The following NCOR2 variants were observed in gnomAD, a reference collection of about 807,000 sequenced individuals.
The protein encoded by NCOR2 is nuclear receptor corepressor 2.
In NCOR2, 81 loss-of-function variants were observed where a neutral mutation model predicts 262.9. That is an observed-to-expected ratio of 0.31 (90% CI 0.26 to 0.37). The LOEUF is 0.37. NCOR2 is among the 10% of genes least tolerant of loss of function. NCOR2 has a pLI of 1.00. For missense variants in NCOR2, 3,385 were observed against 3,621.4 expected, an observed-to-expected ratio of 0.93 and a Z score of 1.68; for synonymous variants, 1,659 against 1,559.3, an observed-to-expected ratio of 1.06 and a Z score of -1.51.
In NCOR2 at chr12:124,421,441, C is replaced by G. The variant is rs2043198539; in HGVS notation, c.1383+1060G>C. ...ACTCCCTGAGGGAGACGTCGTCACT[C>G]AGAAGATGGGCTATTTATAGGGCTT... On this transcript the variant is annotated intron_variant, in intron 12 of 46. Coordinates refer to ENST00000405201, the Ensembl canonical transcript of NCOR2. Among the ~76,000 whole-genome samples, 2 of 152,244 alleles carry G rather than the reference C, an allele frequency of 1.3e-5. 1 individual carries two copies. The highest frequency in any genetic ancestry group is 4.1e-4 in the South Asian group (2 of 4,830).
chr12:124,395,784 C>G (rs968967528), intron 16 of NCOR2, among the ~76,000 whole-genome samples: 1 of 152,092 alleles, frequency 6.6e-6, no homozygotes, highest in Non-Finnish European at 1.5e-5. Flanking sequence ...CTGGGCTGAC[C>G]GTTTGGGGAT....
At chr12:124,447,809 T>A (rs2045278553) in intron 7 of NCOR2, among the ~76,000 whole-genome samples, 1 of 151,758 alleles carries the variant, frequency 6.6e-6, no homozygotes, top group South Asian at 2.1e-4. Flanking sequence ...CGATTCTCCC[T>A]CCTTCGCCTC....
At chr12:124,508,596 G>C (rs969635249) in intron 1 of NCOR2, among the ~76,000 whole-genome samples, 1 of 152,188 alleles carries the variant, frequency 6.6e-6, no homozygotes, top group Non-Finnish European at 1.5e-5. Context: ...ACTGAGCAGA[G>C]ACCCAGGAAT....
Position 124,548,556 on chromosome 12 carries a change from G to A in NCOR2, c.-164-12945C>T, listed in dbSNP as rs2051610005. On this transcript the variant is annotated intron_variant, in intron 1 of 32. Coordinates refer to the NCOR2 transcript ENST00000458234. This position sits in a 1 kb window ranked among gnomAD's most constrained non-coding sequence, Gnocchi z 5.1. ...TATTGATATGAAAACAGAGGGTCTCGATGGCAATGCTGTTCCCCCCCAAAC... is the reference window on the plus strand; with the variant it reads ...TATTGATATGAAAACAGAGGGTCTCAATGGCAATGCTGTTCCCCCCCAAAC... Among the ~76,000 whole-genome samples, 1 of 152,034 alleles carries A rather than the reference G, an allele frequency of 6.6e-6. No individual in the cohort carries two copies. Among genetic ancestry groups the A allele is most frequent in the Non-Finnish European group, 1.5e-5 (1 of 68,024 alleles).
In NCOR2 at chr12:124,392,534, C is replaced by A. The variant is rs530029648; in HGVS notation, c.1876+5585G>T. 2.0e-5 allele frequency among the ~76,000 whole-genome samples: 3 copies of A among 152,104 alleles called. No homozygotes were observed. In the East Asian group the frequency reaches 5.8e-4, roughly 29 times the overall value. ...AGTGTCGCCTCCTGCTGGGCCCTGA[C>A]GGACAGCTGCACCAGGAAGTAGCCG... is the stretch of plus-strand genomic sequence containing the variant. On this transcript the variant is annotated intron_variant, in intron 16 of 46. Coordinates refer to ENST00000405201, the Ensembl canonical transcript of NCOR2.
In NCOR2 at chr12:124,523,479, C is replaced by T. The variant is rs1317298076; in HGVS notation, c.-118+12086G>A. 6.6e-6 allele frequency among the ~76,000 whole-genome samples: 1 copy of T among 152,282 alleles called. No homozygotes were observed. The highest frequency in any genetic ancestry group is 1.9e-4 in the East Asian group (1 of 5,176). On this transcript the variant is annotated intron_variant, in intron 1 of 46. Coordinates refer to the NCOR2 transcript ENST00000404621. This position sits in a 1 kb window ranked among gnomAD's most constrained non-coding sequence, Gnocchi z 4.0. ...GGGAAGGACACATCACGCCGGCCAG[C>T]ATCACCCAAGCTCTCAGTGTGCCAG...
At position 124,509,239 on chromosome 12, in the gene NCOR2, G is replaced by GGGC. The variant is rs1555234125; in HGVS notation, c.-117-13872_-117-13871insGCC. Among the ~76,000 whole-genome samples the GGGC allele has an allele frequency of 2.3e-4, 21 of 91,564 alleles. 1 individual carries two copies. The highest frequency in any genetic ancestry group is 9.8e-4 in the East Asian group (2 of 2,042). 60.1% of individuals were successfully genotyped at this position (91,564 alleles called of 152,430 possible). A position where few individuals can be genotyped will look rare whatever the true frequency, so the allele number is the denominator to read the frequency against. On this transcript the variant is annotated intron_variant, in intron 1 of 46. Coordinates refer to the NCOR2 transcript ENST00000404621. ...CCAAAGTGGCACTGGCTTTGGTGGG[G>GGGC]GGGGGGGGGGCTTAACTCTGAACTC... is the stretch of plus-strand genomic sequence containing the variant.
In NCOR2 at chr12:124,531,201, C is replaced by G. The variant is rs1031372175; in HGVS notation, c.-118+4364G>C. 5.3e-5 allele frequency among the ~76,000 whole-genome samples: 8 copies of G among 152,166 alleles called. No homozygotes were observed. Among genetic ancestry groups the G allele is most frequent in the African/African-American group, 1.9e-4 (8 of 41,428 alleles). ...CAACTCATGCTGAACAACAGTCCAG[C>G]CAGAGCCCACCCGTTTATGAAAGAA... On this transcript the variant is annotated intron_variant, in intron 1 of 46. Transcript: ENST00000404621. This position sits in a 1 kb window ranked among gnomAD's most constrained non-coding sequence, Gnocchi z 4.5.
intron 1 of NCOR2, chr12:124,530,290 G>C (rs990938141): frequency 1.3e-5 from 2 of 152,120 alleles, no homozygotes; most frequent in East Asian, 1.9e-4. Context: ...AGTCGGGGGT[G>C]GGGGGTGGAG....
At chr12:124,384,350 G>C (rs76872430) in intron 17 of NCOR2, among the ~76,000 whole-genome samples, 2 of 152,200 alleles carry the variant, frequency 1.3e-5, no homozygotes, top group African/African-American at 4.8e-5. Context: ...CAGAAGGCCC[G>C]AAGCATCCAG....
chr12:124,431,733 C>T (rs2043953822), intron 8 of NCOR2, among the ~76,000 whole-genome samples: 2 of 151,240 alleles, frequency 1.3e-5, no homozygotes, highest in South Asian at 2.1e-4. Flanking sequence ...CACATGCAGT[C>T]ACCCACACGG....
intron 7 of NCOR2, among the ~76,000 whole-genome samples, chr12:124,448,366 C>T (rs929369986): frequency 2.0e-5 from 3 of 152,134 alleles, no homozygotes; most frequent in Non-Finnish European, 2.9e-5. Flanking sequence ...CAAACTATGT[C>T]GAGTCAAAAG....
chr12:124,528,115 C>T (rs1273078034), intron 1 of NCOR2, among the ~76,000 whole-genome samples: 2 of 152,070 alleles, frequency 1.3e-5, no homozygotes, highest in Non-Finnish European at 2.9e-5. Flanking sequence ...GGGTAAATAA[C>T]CCTCCAGGGA....
chr12:124,346,522 C>A (rs749776481), intron 31 of NCOR2, 42 bp downstream of exon 33: 2 of 1,465,196 alleles, frequency 1.4e-6, no homozygotes, highest in Non-Finnish European at 1.8e-6. Flanking sequence ...CCACCGCCAC[C>A]CCTCCTAGAA....
chr12:124,433,845 TAC>T (rs1204258133), intron 8 of NCOR2, among the ~76,000 whole-genome samples: 20 of 18,280 alleles, frequency 1.1e-3, no homozygotes, highest in African/African-American at 1.6e-3. Context: ...CTCTCTGTCT[TAC>T]ACACACACAC....
chr12:124,333,897 C>CGT (rs1392235914), intron 41 of NCOR2, among the ~76,000 whole-genome samples: 4 of 123,696 alleles, frequency 3.2e-5, no homozygotes, highest in Non-Finnish European at 5.6e-5. Context: ...TGTGTGTGTG[C>CGT]GCGCGCATGT....
chr12:124,388,934 G>C (rs1415390759), intron 16 of NCOR2: 10 of 611,278 alleles, frequency 1.6e-5, no homozygotes, highest in South Asian at 1.3e-4. Context: ...AGGCTGGCTC[G>C]AGAGGGGCGG....
At chr12:124,333,094 G>A (rs1158826199) in intron 42 of NCOR2, 36 bp downstream of exon 44, 2 of 1,560,244 alleles carry the variant, frequency 1.3e-6, no homozygotes, top group Non-Finnish European at 1.7e-6. Flanking sequence ...GGATACCAGA[G>A]CATCCCGGGG....
exon 21 of NCOR2, chr12:124,363,745 A>C (rs1385191260): frequency 5.7e-6 from 8 of 1,396,622 alleles, no homozygotes; most frequent in Non-Finnish European, 7.5e-6. Flanking sequence ...GGGGTGAGGC[A>C]TTGGCCCGGG....
Sources: gnomAD v4.1 joint callset for allele counts (sites outside exome capture counted in the v4.1 genomes callset) on GRCh38, gnomAD v4.1.1 for gene constraint, Gnocchi (gnomAD v3.1) non-coding constraint, MANE v1.5 for transcripts, NCBI Gene and HGNC (gene_info 2026-07-23, HGNC 2026-07-21) for gene names.